Variants in SLX4IP observed in about 807,000 individuals in gnomAD.
SLX4IP encodes protein SLX4IP.
In SLX4IP, 34 loss-of-function variants were observed where a neutral mutation model predicts 32.9. The observed-to-expected ratio is 1.03, with a 90% confidence interval of 0.79 to 1.38. The LOEUF (loss-of-function observed/expected upper bound fraction) is 1.38, where lower values mean the gene tolerates loss of function less well. Ranked by LOEUF, SLX4IP falls within the 40% of genes most tolerant of loss-of-function variation. The pLI is 0.00. For synonymous variants in SLX4IP, 172 were observed against 171.7 expected (o/e 1.00, Z -0.01); for missense variants, 444 against 479.0 (o/e 0.93, Z 0.68).
chr20:10,566,154 C>T (rs947079830), intron 4 of SLX4IP, among the ~76,000 whole-genome samples: 39 of 152,076 alleles, frequency 2.6e-4, no homozygotes, highest in African/African-American at 9.4e-4. Context: ...GCCTGTAACT[C>T]ATCTGATTAG....
chr20:10,600,612 A>G (rs2122548490), intron 5 of SLX4IP, among the ~76,000 whole-genome samples: 1 of 152,258 alleles, frequency 6.6e-6, no homozygotes, highest in Middle Eastern at 3.4e-3. Context: ...TTCTGTGTCC[A>G]TGTAATTGAC....
chr20:10,585,841 TC>T (rs1402072775), intron 4 of SLX4IP, among the ~76,000 whole-genome samples: 1 of 152,124 alleles, frequency 6.6e-6, no homozygotes, highest in African/African-American at 2.4e-5. Context: ...TCCACCTGCC[TC>T]GGCCTCCCAA....
chr20:10,462,139 C>T (rs555949264), intron 2 of SLX4IP, among the ~76,000 whole-genome samples: 95 of 151,818 alleles, frequency 6.3e-4, no homozygotes, highest in African/African-American at 2.1e-3. Flanking sequence ...AGGAACACTG[C>T]CCAGAAAGTA....
At position 10,459,205 on chromosome 20, in the gene SLX4IP, G is replaced by A. The variant is rs192528444; in HGVS notation, c.27+974G>A. 2.1e-4 allele frequency among the ~76,000 whole-genome samples: 32 copies of A among 152,078 alleles called. No homozygotes were observed. In the East Asian group the frequency reaches 5.4e-3, roughly 26 times the overall value. On this transcript the variant is annotated intron_variant, in intron 2 of 7. Transcript: ENST00000334534. ...CGTCCTTTGCCTACTTTTTAATGGC[G>A]TCATTTGTTTTTTTTCTTGTAAGTT...
At chr20:10,613,624 C>T in intron 6 of SLX4IP, 1 of 1,613,924 alleles carries the variant, frequency 6.2e-7, no homozygotes, top group Non-Finnish European at 8.5e-7. Context: ...ATTTCTGCTT[C>T]TTTGGCCTCT....
chr20:10,613,987 A>T, intron 6 of SLX4IP: 1 of 1,218,352 alleles, frequency 8.2e-7, no homozygotes, highest in Admixed American at 1.7e-5. Flanking sequence ...TGCTCATCGT[A>T]CACTGCTCTC....
intron 6 of SLX4IP, among the ~76,000 whole-genome samples, chr20:10,602,489 A>G (rs2066854368): frequency 6.6e-6 from 1 of 152,110 alleles, no homozygotes; most frequent in African/African-American, 2.4e-5. Flanking sequence ...ACACTTGAGA[A>G]TCTCCTTGTT....
At chr20:10,445,906 A>G (rs2065198396) in intron 1 of SLX4IP, among the ~76,000 whole-genome samples, 1 of 145,384 alleles carries the variant, frequency 6.9e-6, no homozygotes, top group African/African-American at 2.6e-5. Context: ...GATTACAGCC[A>G]TGAGCCACTG....
intron 1 of SLX4IP, among the ~76,000 whole-genome samples, chr20:10,439,423 C>A (rs1227527443): frequency 6.6e-6 from 1 of 152,032 alleles, no homozygotes; most frequent in African/African-American, 2.4e-5. Flanking sequence ...TTACCCAGAC[C>A]TGTCTCAAAC....
chr20:10,533,606 C>CTGCACCTAGCCGTCT (rs1257965364), intron 2 of SLX4IP, among the ~76,000 whole-genome samples: 1 of 143,268 alleles, frequency 7.0e-6, no homozygotes, highest in African/African-American at 2.6e-5. Context: ...GTGTGAGCCA[C>CTGCACCTAGCCGTCT]CATTCTTGGC....
chr20:10,441,614 C>A (rs2065160146), intron 1 of SLX4IP, among the ~76,000 whole-genome samples: 1 of 152,042 alleles, frequency 6.6e-6, no homozygotes, highest in Admixed American at 6.6e-5. Context: ...TGGAATTATT[C>A]TTGGTAGAGT....
At chr20:10,519,366 C>T (rs1449791085) in intron 2 of SLX4IP, among the ~76,000 whole-genome samples, 1 of 152,128 alleles carries the variant, frequency 6.6e-6, no homozygotes, top group East Asian at 1.9e-4. Flanking sequence ...AGTCATTCTC[C>T]TCATCTCTGT....
intron 6 of SLX4IP, among the ~76,000 whole-genome samples, chr20:10,602,216 C>T (rs902769252): frequency 2.6e-5 from 4 of 151,976 alleles, no homozygotes; most frequent in Non-Finnish European, 5.9e-5. Flanking sequence ...GGTGAATCAC[C>T]GACATTTTCA....
chr20:10,511,029 G>A (rs1038424978), intron 2 of SLX4IP, among the ~76,000 whole-genome samples: 39 of 152,170 alleles, frequency 2.6e-4, no homozygotes, highest in Admixed American at 2.2e-3. Flanking sequence ...GCCGCTTCCC[G>A]GGTGACTTTA....
At chr20:10,444,703 T>C (rs1237417852) in intron 1 of SLX4IP, among the ~76,000 whole-genome samples, 1 of 152,160 alleles carries the variant, frequency 6.6e-6, no homozygotes, top group Non-Finnish European at 1.5e-5. Context: ...TCGAAGATGA[T>C]ACCTTCTTGC....
chr20:10,605,953 T>C (rs957848906), intron 6 of SLX4IP, among the ~76,000 whole-genome samples: 1 of 152,172 alleles, frequency 6.6e-6, no homozygotes, highest in African/African-American at 2.4e-5. Context: ...AAATAAACTA[T>C]TGAAGGCTGA....
rs1409487162 is a variant in SLX4IP, at chr20:10,435,382, A to G, written c.-101A>G. 2.6e-5 allele frequency: 4 copies of G among 152,214 alleles called. No homozygotes were observed. Among genetic ancestry groups the G allele is most frequent in the Non-Finnish European group, 5.9e-5 (4 of 68,056 alleles). The allele number at this position is 152,214 out of a possible 1,614,324, so 9.4% of individuals were successfully genotyped here. A position where few individuals can be genotyped will look rare whatever the true frequency, so the allele number is the denominator to read the frequency against. On this transcript the variant is annotated 5_prime_UTR_variant, in exon 1 of 8. Transcript: ENST00000334534. The stretch of plus-strand genomic sequence containing the variant: ...GTAGTCCGAGTTTCCACAGCCAGGT[A>G]CTACTCCGCCAGTGACCCTGGACAG...
At chr20:10,437,228 C>T (rs1216475608) in intron 1 of SLX4IP, among the ~76,000 whole-genome samples, 1 of 152,110 alleles carries the variant, frequency 6.6e-6, no homozygotes, top group African/African-American at 2.4e-5. Flanking sequence ...TGGGCTCAAG[C>T]GATCCTTCTG....
chr20:10,543,406 G>C (rs1160289283), intron 2 of SLX4IP, among the ~76,000 whole-genome samples: 1 of 152,196 alleles, frequency 6.6e-6, no homozygotes, highest in Non-Finnish European at 1.5e-5. Context: ...CTCTGGAGGC[G>C]AGAGGGAGGT....
Sources: gnomAD v4.1 joint callset for allele counts (sites outside exome capture counted in the v4.1 genomes callset) on GRCh38, gnomAD v4.1.1 for gene constraint, MANE v1.5 for transcripts, NCBI Gene and HGNC (gene_info 2026-07-23, HGNC 2026-07-21) for gene names.